MSRA: variants seen among roughly 807,000 people sequenced by gnomAD.
MSRA encodes the protein mitochondrial peptide methionine sulfoxide reductase.
MSRA carries 54 observed loss-of-function variants against 31.3 expected under a neutral mutation model. The ratio of observed to expected loss-of-function variants is 1.73; its 90% confidence interval spans 1.39 to 2.17. The LOEUF (loss-of-function observed/expected upper bound fraction) is 2.17, where lower values mean the gene tolerates loss of function less well. Among genes scored for constraint, MSRA ranks in the 30% most tolerant of loss-of-function variants. MSRA has a pLI of 0.00. For missense variants in MSRA, 507 were observed against 300.9 expected (o/e 1.69, Z -5.07); for synonymous variants, 169 against 116.5 (o/e 1.45, Z -2.90).
intron 1 of MSRA, among the ~76,000 whole-genome samples, chr8:10,171,197 G>A (rs558678467): frequency 6.6e-6 from 1 of 152,206 alleles, no homozygotes; most frequent in African/African-American, 2.4e-5. Context: ...ATGTAGTCTG[G>A]TTAGAATGCT....
At chr8:10,224,615 A>T (rs1246530970) in intron 2 of MSRA, among the ~76,000 whole-genome samples, 3 of 152,186 alleles carry the variant, frequency 2.0e-5, no homozygotes, top group Non-Finnish European at 4.4e-5. Flanking sequence ...TATGGAGTCC[A>T]GTGGACAGAG....
At chr8:10,166,525 A>C (rs1805140666) in intron 1 of MSRA, among the ~76,000 whole-genome samples, 1 of 151,928 alleles carries the variant, frequency 6.6e-6, no homozygotes, top group Admixed American at 6.6e-5. Context: ...GTGTGTGTGC[A>C]TATGTGTGTG....
At chr8:10,390,986 A>AAG (rs1248198767) in intron 5 of MSRA, among the ~76,000 whole-genome samples, 2 of 151,620 alleles carry the variant, frequency 1.3e-5, no homozygotes, top group African/African-American at 4.8e-5. Flanking sequence ...AAAGAAAAAA[A>AAG]AAAAAAACAG....
rs116618947 is a variant in MSRA, at chr8:10,242,507, G to A, written c.212-2597G>A. ...CTGATTCTTGACCCAGGTGGTGGTT[G>A]TAAGGGTGTTTGCCTAATAACAGTG... is the stretch of plus-strand genomic sequence containing the variant. On this transcript the variant is annotated intron_variant, in intron 2 of 5. Coordinates refer to ENST00000317173, the MANE Select transcript of MSRA (RefSeq NM_012331.5). Among the ~76,000 whole-genome samples the A allele has an allele frequency of 6.4e-3, 972 of 152,262 alleles. 11 individuals are homozygous for A. Among genetic ancestry groups the A allele is most frequent in the African/African-American group, 0.022 (915 of 41,558 alleles).
At chr8:10,389,664 C>G (rs1585656215) in intron 5 of MSRA, among the ~76,000 whole-genome samples, 1 of 151,992 alleles carries the variant, frequency 6.6e-6, no homozygotes, top group Non-Finnish European at 1.5e-5. Flanking sequence ...GGAGGGAACC[C>G]TGCCATCCTC....
intron 1 of MSRA, among the ~76,000 whole-genome samples, chr8:10,091,737 G>T (rs2128927892): frequency 6.6e-6 from 1 of 151,744 alleles, no homozygotes; most frequent in East Asian, 1.9e-4. Flanking sequence ...ATCCCAAGTA[G>T]CTGGGATTAA....
At chr8:10,270,500 G>A (rs1798974643) in intron 3 of MSRA, among the ~76,000 whole-genome samples, 1 of 151,974 alleles carries the variant, frequency 6.6e-6, no homozygotes, top group Non-Finnish European at 1.5e-5. Context: ...AGAGAGTTTT[G>A]CAGATGGAAG....
At chr8:10,285,039 A>AT (rs1799860608) in intron 3 of MSRA, among the ~76,000 whole-genome samples, 1 of 150,748 alleles carries the variant, frequency 6.6e-6, no homozygotes, top group African/African-American at 2.4e-5. Context: ...AAAAAAAAAA[A>AT]GCTGGAAAAA....
At chr8:10,322,246 G>GAC (rs5889331) in intron 5 of MSRA, among the ~76,000 whole-genome samples, 149,201 of 152,262 alleles carry the variant, frequency 0.98, 73,177 homozygotes, top group East Asian at 1. Flanking sequence ...GATGCTCAAA[G>GAC]AGAGAGCAAT....
At chr8:10,403,619 C>G (rs1807604875) in intron 5 of MSRA, among the ~76,000 whole-genome samples, 1 of 152,248 alleles carries the variant, frequency 6.6e-6, no homozygotes, top group African/African-American at 2.4e-5. Context: ...CAGTCTCCAG[C>G]TTGTGCCTCG....
intron 3 of MSRA, among the ~76,000 whole-genome samples, chr8:10,245,682 G>C (rs1388163778): frequency 6.6e-6 from 1 of 152,228 alleles, no homozygotes; most frequent in Non-Finnish European, 1.5e-5. Flanking sequence ...GGGTAATGGG[G>C]ATGATGGACC....
intron 2 of MSRA, among the ~76,000 whole-genome samples, chr8:10,232,220 G>A (rs927113852): frequency 6.6e-6 from 1 of 152,190 alleles, no homozygotes; most frequent in Admixed American, 6.5e-5. Context: ...GAAGGAACAT[G>A]CGGTAACTGC....
In MSRA at chr8:10,054,551, T is replaced by A. The variant is rs1332025568; in HGVS notation, c.35T>A (p.Leu12His). 6.3e-7 allele frequency: 1 copy of A among 1,586,842 alleles called. No homozygotes were observed. Among genetic ancestry groups the A allele is most frequent in the South Asian group, 1.1e-5 (1 of 88,762 alleles). Residue 12 changes from leucine to histidine, a missense_variant, in exon 1 of 6, where the codon CTC becomes CAC. Leu to His is a moderately conservative substitution (Grantham distance 99, BLOSUM62 -3). Transcript: ENST00000317173. The stretch of plus-strand genomic sequence containing the variant: ...GCCACCCGGAGGGCTTGCCAGCTCC[T>A]CCTCCTCCACAGCCTCTTTCCCGTC... ...LSATRRACQL[L>H]LLHSLFPVPR...
intron 3 of MSRA, among the ~76,000 whole-genome samples, chr8:10,288,111 T>C (rs544060604): frequency 4.6e-5 from 7 of 152,364 alleles, no homozygotes; most frequent in Admixed American, 6.5e-5. Context: ...GCTGGAATTA[T>C]AGTTGGTTTG....
At chr8:10,155,480 G>A (rs1169688988) in intron 1 of MSRA, among the ~76,000 whole-genome samples, 2 of 152,166 alleles carry the variant, frequency 1.3e-5, no homozygotes, top group Non-Finnish European at 1.5e-5. Context: ...CACTTTTCTA[G>A]TTGTATCAGC....
intron 4 of MSRA, among the ~76,000 whole-genome samples, chr8:10,316,530 C>G (rs1312995265): frequency 1.0e-4 from 2 of 19,420 alleles, no homozygotes; most frequent in East Asian, 4.7e-3. Context: ...GATGATCCCT[C>G]TCTCTCTCTC....
At chr8:10,076,857 C>G (rs1367640846) in intron 1 of MSRA, among the ~76,000 whole-genome samples, 1 of 151,414 alleles carries the variant, frequency 6.6e-6, no homozygotes, top group Non-Finnish European at 1.5e-5. Context: ...CATTTAAGAG[C>G]AGAGGATGGG....
At chr8:10,198,332 C>G (rs1253502260) in intron 1 of MSRA, among the ~76,000 whole-genome samples, 3 of 149,402 alleles carry the variant, frequency 2.0e-5, no homozygotes, top group Non-Finnish European at 4.5e-5. Context: ...TTTTGTTGTT[C>G]TTACTTTTTC....
intron 1 of MSRA, among the ~76,000 whole-genome samples, chr8:10,109,551 A>G (rs933994310): frequency 6.6e-6 from 1 of 152,142 alleles, no homozygotes; most frequent in African/African-American, 2.4e-5. Context: ...CATGTTGCCC[A>G]GGCTGGTCTC....
Sources: allele counts gnomAD v4.1 joint callset (sites outside exome capture counted in the v4.1 genomes callset), GRCh38; gene constraint gnomAD v4.1.1; transcripts MANE v1.5; gene names NCBI Gene and HGNC (gene_info 2026-07-23, HGNC 2026-07-21).